Variants in CSGALNACT1 observed in about 807,000 individuals in gnomAD.
CSGALNACT1 encodes the protein beta4GalNAcT-1.
In CSGALNACT1, 52 loss-of-function variants were observed where a neutral mutation model predicts 51.0. The ratio of observed to expected loss-of-function variants is 1.02; its 90% CI spans 0.82 to 1.29. CSGALNACT1 has a LOEUF of 1.29. CSGALNACT1 is among the 50% of genes most tolerant of loss of function. CSGALNACT1 has a pLI of 0.00. For missense variants in CSGALNACT1, 935 were observed against 679.2 expected (o/e 1.38, Z -4.19); for synonymous variants, 341 against 254.4 (o/e 1.34, Z -3.24).
At chr8:19,434,641 C>G (rs1335146079) in intron 6 of CSGALNACT1, among the ~76,000 whole-genome samples, 1 of 152,154 alleles carries the variant, frequency 6.6e-6, no homozygotes, top group Non-Finnish European at 1.5e-5. Context: ...GCACACAAAG[C>G]AGAATCACGC....
chr8:19,421,297 C>A (rs2057887322), intron 6 of CSGALNACT1, among the ~76,000 whole-genome samples: 1 of 152,206 alleles, frequency 6.6e-6, no homozygotes, highest in South Asian at 2.1e-4. Context: ...CAAGGATTCC[C>A]AGGCCCCAGG....
chr8:19,471,047 G>C (rs1306569329), intron 4 of CSGALNACT1, among the ~76,000 whole-genome samples: 1 of 151,858 alleles, frequency 6.6e-6, no homozygotes, highest in African/African-American at 2.4e-5. Flanking sequence ...AGTGAGCCAA[G>C]ATCACACCAC....
upstream of CSGALNACT1, among the ~76,000 whole-genome samples, chr8:19,605,346 G>A (rs999602498): frequency 6.6e-6 from 1 of 152,180 alleles, no homozygotes; most frequent in Non-Finnish European, 1.5e-5. Context: ...TGAGGCATGA[G>A]AATGACTGGA....
chr8:19,555,389 T>C (rs945278665), intron 3 of CSGALNACT1, among the ~76,000 whole-genome samples: 1 of 151,970 alleles, frequency 6.6e-6, no homozygotes, highest in African/African-American at 2.4e-5. Flanking sequence ...GCGAAGGAGG[T>C]AGAGTTTGAA....
At chr8:19,653,446 C>T (rs1241221740) in intron 1 of CSGALNACT1, among the ~76,000 whole-genome samples, 4 of 152,130 alleles carry the variant, frequency 2.6e-5, no homozygotes, top group Non-Finnish European at 5.9e-5. Flanking sequence ...CCTGCACCCT[C>T]ATCCAATCCC....
chr8:19,616,592 C>T (rs945774689), intron 1 of CSGALNACT1, among the ~76,000 whole-genome samples: 1 of 152,128 alleles, frequency 6.6e-6, no homozygotes, highest in Admixed American at 6.5e-5. Context: ...ATCATGGGGG[C>T]AGATTTGCTA....
chr8:19,615,896 T>A (rs1378440496), intron 1 of CSGALNACT1, among the ~76,000 whole-genome samples: 2 of 152,228 alleles, frequency 1.3e-5, no homozygotes, highest in African/African-American at 4.8e-5. Flanking sequence ...AATAAAAATT[T>A]CATTTGTATG....
chr8:19,461,133 G>C (rs2065262476), intron 4 of CSGALNACT1, among the ~76,000 whole-genome samples: 1 of 152,202 alleles, frequency 6.6e-6, no homozygotes. Flanking sequence ...GGCAAGCTGA[G>C]AGTTTTGCTG....
upstream of CSGALNACT1, among the ~76,000 whole-genome samples, chr8:19,606,657 C>G (rs1027765647): frequency 6.6e-6 from 1 of 152,326 alleles, no homozygotes; most frequent in Admixed American, 6.5e-5. Context: ...GGAAACATAT[C>G]TATTTTTAAT....
chr8:19,712,218 G>T (rs2062552313), intron 1 of CSGALNACT1, among the ~76,000 whole-genome samples: 1 of 152,040 alleles, frequency 6.6e-6, no homozygotes, highest in Non-Finnish European at 1.5e-5. Context: ...GTAGAGATGG[G>T]GTTTCATCAT....
At chr8:19,468,167 G>A (rs1407895729) in intron 4 of CSGALNACT1, among the ~76,000 whole-genome samples, 2 of 81,302 alleles carry the variant, frequency 2.5e-5, no homozygotes, top group African/African-American at 7.2e-5. Context: ...TGGACAGTTT[G>A]ATAGCAGATG....
chr8:19,565,730 C>A (rs1385350607), intron 3 of CSGALNACT1, among the ~76,000 whole-genome samples: 1 of 152,142 alleles, frequency 6.6e-6, no homozygotes. Context: ...ACCAGCCTGG[C>A]CAACACGGTG....
intron 1 of CSGALNACT1, among the ~76,000 whole-genome samples, chr8:19,752,135 TTA>T (rs1040305986): frequency 1.6e-4 from 9 of 57,356 alleles, no homozygotes; most frequent in Non-Finnish European, 2.8e-4. Flanking sequence ...ATGTTATATA[TTA>T]TATGATATTA....
At chr8:19,629,622 C>T (rs2054936258) in intron 1 of CSGALNACT1, among the ~76,000 whole-genome samples, 2 of 152,096 alleles carry the variant, frequency 1.3e-5, no homozygotes, top group African/African-American at 4.8e-5. Flanking sequence ...ACTTTGACAC[C>T]AGCCCCCTAC....
intron 1 of CSGALNACT1, among the ~76,000 whole-genome samples, chr8:19,710,807 C>A (rs2062459649): frequency 6.6e-6 from 1 of 152,320 alleles, no homozygotes; most frequent in Non-Finnish European, 1.5e-5. Context: ...AGCATTTGCG[C>A]TCCTGTTATA....
At chr8:19,437,021 T>TGGG (rs1400171745) in intron 6 of CSGALNACT1, among the ~76,000 whole-genome samples, 1 of 152,204 alleles carries the variant, frequency 6.6e-6, no homozygotes, top group Non-Finnish European at 1.5e-5. Flanking sequence ...TTGTGCTAAG[T>TGGG]GCTGGAATTA....
At chr8:19,720,582 G>A (rs1276384976) in intron 1 of CSGALNACT1, among the ~76,000 whole-genome samples, 2 of 152,280 alleles carry the variant, frequency 1.3e-5, no homozygotes, top group African/African-American at 2.4e-5. Flanking sequence ...AGGTAGTTTC[G>A]AGGAGTGGCT....
At chr8:19,554,045 C>T (rs999083942) in intron 3 of CSGALNACT1, among the ~76,000 whole-genome samples, 1 of 151,248 alleles carries the variant, frequency 6.6e-6, no homozygotes, top group African/African-American at 2.4e-5. Flanking sequence ...AGTTGGAGCC[C>T]CAGAAAAAGT....
Position 19,658,059 on chromosome 8 carries a change from T to A in CSGALNACT1, c.-544+24414A>T, listed in dbSNP as rs7003476. Among the ~76,000 whole-genome samples the A allele has an allele frequency of 6.1e-5, 8 of 131,866 alleles. No individual in the cohort carries two copies. The South Asian group carries it at 7.3e-4, about 12-fold the overall frequency. 86.5% of individuals were successfully genotyped at this position (131,866 alleles called of 152,430 possible). On this transcript the variant is annotated intron_variant, in intron 1 of 9. Coordinates refer to the CSGALNACT1 transcript ENST00000332246. The stretch of plus-strand genomic sequence containing the variant: ...GAATATGTGTGCCCTCTCACCCTCC[T>A]TCCAAAAAAAAAAAAAAAAAAAAAA...
Sources: gnomAD v4.1 joint callset for allele counts (sites outside exome capture counted in the v4.1 genomes callset) on GRCh38, gnomAD v4.1.1 for gene constraint, MANE v1.5 for transcripts, NCBI Gene and HGNC (gene_info 2026-07-23, HGNC 2026-07-21) for gene names.